KANK1: variants seen among roughly 807,000 people sequenced by gnomAD.
KANK1 encodes the protein KN motif and ankyrin repeat domains 1.
Under a neutral mutation model 106.2 loss-of-function variants are expected in KANK1, and 109 were observed. The ratio of observed to expected loss-of-function variants is 1.03; its 90% CI spans 0.88 to 1.20. The LOEUF (loss-of-function observed/expected upper bound fraction) is 1.20. Among genes scored for constraint, KANK1 ranks in the 50% most tolerant of loss-of-function variants. The pLI, the probability that KANK1 is intolerant of heterozygous loss-of-function variation, is 0.00. For synonymous variants in KANK1, 873 were observed against 652.2 expected (o/e 1.34, Z -5.16); for missense variants, 2,399 against 1,710.7 (o/e 1.40, Z -7.10).
At chr9:544,702 A>G (rs1486020835) in intron 1 of KANK1, among the ~76,000 whole-genome samples, 1 of 150,864 alleles carries the variant, frequency 6.6e-6, no homozygotes, top group African/African-American at 2.4e-5. Context: ...TGAAGCTGAA[A>G]CCTGTTGGGT....
At chr9:624,633 T>C (rs532474486) in intron 1 of KANK1, among the ~76,000 whole-genome samples, 16 of 152,012 alleles carry the variant, frequency 1.1e-4, no homozygotes, top group Middle Eastern at 3.4e-3. Flanking sequence ...TGAAACCCCA[T>C]CTCTACTAAA....
At chr9:618,519 T>C (rs1355727128) in intron 1 of KANK1, among the ~76,000 whole-genome samples, 2 of 152,152 alleles carry the variant, frequency 1.3e-5, no homozygotes, top group African/African-American at 4.8e-5. Flanking sequence ...CAGATTACAT[T>C]TTTAAAATGA....
At chr9:637,498 TAACTC>T (rs756266766) in intron 1 of KANK1, among the ~76,000 whole-genome samples, 4 of 152,154 alleles carry the variant, frequency 2.6e-5, no homozygotes, top group South Asian at 2.1e-4. Flanking sequence ...TTGGGGTACT[TAACTC>T]AAGTACGTAT....
intron 1 of KANK1, among the ~76,000 whole-genome samples, chr9:622,971 G>A (rs564081548): frequency 6.6e-6 from 1 of 152,178 alleles, no homozygotes; most frequent in South Asian, 2.1e-4. Context: ...AAACACAGGG[G>A]AAAAAAGCTT....
intron 1 of KANK1, among the ~76,000 whole-genome samples, chr9:657,534 C>T (rs538340739): frequency 7.2e-5 from 11 of 152,062 alleles, no homozygotes; most frequent in Admixed American, 2.0e-4. Context: ...TACATGCTAC[C>T]GATGCTTTGT....
chr9:548,114 A>G (rs894407535), intron 1 of KANK1, among the ~76,000 whole-genome samples: 59 of 152,314 alleles, frequency 3.9e-4, no homozygotes, highest in Non-Finnish European at 7.2e-4. Context: ...AAATCCTTTT[A>G]TTACATTAGT....
chr9:668,694 C>G (rs538854400), intron 1 of KANK1, among the ~76,000 whole-genome samples: 2 of 152,122 alleles, frequency 1.3e-5, no homozygotes, highest in South Asian at 2.1e-4. Context: ...ATAGATAAAA[C>G]AAGTTATTTT....
chr9:593,884 A>G (rs1825596588), intron 1 of KANK1, among the ~76,000 whole-genome samples: 1 of 151,884 alleles, frequency 6.6e-6, no homozygotes, highest in South Asian at 2.1e-4. Flanking sequence ...AGTTTATAAA[A>G]TTTTTTGTAA....
intron 3 of KANK1, among the ~76,000 whole-genome samples, chr9:726,278 G>T (rs953944488): frequency 6.6e-6 from 1 of 152,086 alleles, no homozygotes; most frequent in Non-Finnish European, 1.5e-5. Flanking sequence ...TGTGGGGCAG[G>T]CCGCTGATTT....
At chr9:480,663 C>T (rs1053692543) in intron 3 of KANK1, among the ~76,000 whole-genome samples, 25 of 152,328 alleles carry the variant, frequency 1.6e-4, no homozygotes, top group Non-Finnish European at 2.8e-4. Context: ...GAATTATTTT[C>T]GTCAGCTTTC....
rs775578741 is a variant in KANK1, at chr9:711,446, C to T, written c.680C>T (p.Pro227Leu). Reference sequence around the variant, plus strand: ...AATGGGGATTATGGTAGCTATGCCCCAGCTGCTCCCACCACTTCCTCCATG... The same window carrying T: ...AATGGGGATTATGGTAGCTATGCCCTAGCTGCTCCCACCACTTCCTCCATG... ...QGNGDYGSYA[P>L]AAPTTSSMGS... The change falls in exon 3 of 12, where the codon CCA becomes CTA. Residue 227 changes from proline to leucine, a missense_variant. Pro to Leu is a moderately conservative substitution (Grantham distance 98). Coordinates refer to ENST00000382297, the MANE Select transcript of KANK1 (RefSeq NM_015158.5). The T allele has an allele frequency of 6.2e-6, 10 of 1,614,134 alleles. No individual in the cohort carries two copies. The highest frequency in any genetic ancestry group is 8.5e-6 in the Non-Finnish European group (10 of 1,180,028).
chr9:620,968 A>T (rs1043470606), intron 1 of KANK1, among the ~76,000 whole-genome samples: 1 of 152,154 alleles, frequency 6.6e-6, no homozygotes, highest in Admixed American at 6.5e-5. Context: ...GATTAACCAG[A>T]GTTAAGCCTC....
chr9:537,644 T>C (rs1455960813), intron 1 of KANK1, among the ~76,000 whole-genome samples: 1 of 152,038 alleles, frequency 6.6e-6, no homozygotes, highest in Non-Finnish European at 1.5e-5. Flanking sequence ...TCAACACCTG[T>C]GCCATTCGGA....
intron 1 of KANK1, among the ~76,000 whole-genome samples, chr9:640,229 A>G (rs970413408): frequency 2.0e-5 from 3 of 152,012 alleles, no homozygotes; most frequent in African/African-American, 7.2e-5. Context: ...TTTGGGGGGC[A>G]CACATCATTT....
At chr9:611,907 ATGGGGTTTCACCG>A (rs1437051630) in intron 1 of KANK1, among the ~76,000 whole-genome samples, 2 of 152,000 alleles carry the variant, frequency 1.3e-5, no homozygotes, top group Non-Finnish European at 2.9e-5. Context: ...TTTAGTAGAG[ATGGGGTTTCACCG>A]TGTTAGCCAG....
chr9:641,530 G>A (rs1044498143), intron 1 of KANK1, among the ~76,000 whole-genome samples: 1 of 152,118 alleles, frequency 6.6e-6, no homozygotes, highest in African/African-American at 2.4e-5. Flanking sequence ...AAAGTTTAGG[G>A]AGTTCTAAGC....
intron 1 of KANK1, among the ~76,000 whole-genome samples, chr9:662,251 C>A (rs1843495986): frequency 1.3e-5 from 2 of 152,088 alleles, no homozygotes; most frequent in African/African-American, 4.8e-5. Context: ...ACCATACTGC[C>A]CAAGGTAATT....
chr9:482,447 C>A (rs1297877351), intron 3 of KANK1, among the ~76,000 whole-genome samples: 2 of 152,230 alleles, frequency 1.3e-5, no homozygotes, highest in South Asian at 2.1e-4. Context: ...TGTGCTGAGC[C>A]CAGGGCATGC....
chr9:649,789 A>T (rs1321548863), intron 1 of KANK1, among the ~76,000 whole-genome samples: 1 of 152,158 alleles, frequency 6.6e-6, no homozygotes, highest in Non-Finnish European at 1.5e-5. Flanking sequence ...ATGGCAGCCA[A>T]CCAGGGAGGT....
Sources: allele counts gnomAD v4.1 joint callset (sites outside exome capture counted in the v4.1 genomes callset), GRCh38; gene constraint gnomAD v4.1.1; transcripts MANE v1.5; gene names NCBI Gene and HGNC (gene_info 2026-07-23, HGNC 2026-07-21).